Variants in PCDH11X observed in about 807,000 individuals in gnomAD.
The protein encoded by PCDH11X is protocadherin-11 X-linked.
Under a neutral mutation model 53.3 loss-of-function variants are expected in PCDH11X, and 18 were observed. The observed-to-expected ratio is 0.34, with a 90% CI of 0.23 to 0.50. PCDH11X has a LOEUF of 0.50. Among genes scored for constraint, PCDH11X ranks in the 20% least tolerant of loss-of-function variants. The pLI is 0.98. For missense variants in PCDH11X, 570 were observed against 1,032.4 expected, an observed-to-expected ratio of 0.55 and a Z score of 6.14; for synonymous variants, 279 against 393.3, an observed-to-expected ratio of 0.71 and a Z score of 3.44.
At chrX:92,111,857 C>T (rs6618862) in intron 6 of PCDH11X, among the ~76,000 whole-genome samples, 6,294 of 109,462 alleles carry the variant, frequency 0.057, 476 homozygotes, top group African/African-American at 0.2. Flanking sequence ...CCCAGGTTCA[C>T]GCCATTCTCC....
chrX:92,118,612 C>T (rs996822511), intron 6 of PCDH11X, among the ~76,000 whole-genome samples: 4 of 109,898 alleles, frequency 3.6e-5, no homozygotes, highest in East Asian at 2.9e-4. Flanking sequence ...AGTATAAACA[C>T]GTATCTTTTA....
chrX:92,218,466 C>T (rs1182865289), intron 7 of PCDH11X, among the ~76,000 whole-genome samples: 3 of 110,853 alleles, frequency 2.7e-5, no homozygotes, highest in Non-Finnish European at 3.8e-5. Context: ...ATAAATTCCT[C>T]CATACATACA....
intron 8 of PCDH11X, among the ~76,000 whole-genome samples, chrX:92,283,822 T>G (rs2068300583): frequency 8.9e-6 from 1 of 111,881 alleles, no homozygotes; most frequent in Non-Finnish European, 1.9e-5. Context: ...AGATTAAATT[T>G]TTTCTTACAT....
At chrX:92,615,415 C>T (rs906517523) in intron 10 of PCDH11X, among the ~76,000 whole-genome samples, 6 of 111,612 alleles carry the variant, frequency 5.4e-5, no homozygotes, top group Non-Finnish European at 9.4e-5. Context: ...TAATGGCATA[C>T]GCAAGTCAGT....
intron 1 of PCDH11X, among the ~76,000 whole-genome samples, chrX:91,791,139 C>T (rs1285829345): frequency 9.2e-6 from 1 of 109,004 alleles, no homozygotes; most frequent in Non-Finnish European, 1.9e-5. Flanking sequence ...GCCAAAATTG[C>T]CTTGGATTTC....
At chrX:92,202,018 G>T (rs1041844581) in intron 7 of PCDH11X, among the ~76,000 whole-genome samples, 1 of 111,354 alleles carries the variant, frequency 9.0e-6, no homozygotes, top group Admixed American at 9.6e-5. Flanking sequence ...AAAAGTTTCA[G>T]AGCAGGAATA....
intron 8 of PCDH11X, among the ~76,000 whole-genome samples, chrX:92,270,970 A>G (rs1569449399): frequency 9.1e-6 from 1 of 110,214 alleles, no homozygotes; most frequent in Non-Finnish European, 1.9e-5. Context: ...AGTAGATCTC[A>G]AAGAGTTGTC....
At chrX:92,406,020 A>G (rs1430102345) in intron 9 of PCDH11X, among the ~76,000 whole-genome samples, 27 of 98,591 alleles carry the variant, frequency 2.7e-4, no homozygotes, top group South Asian at 5.1e-4. Flanking sequence ...GCGTGAACCC[A>G]GGAGGCGGAG....
At chrX:92,326,844 T>G in intron 8 of PCDH11X, among the ~76,000 whole-genome samples, 1 of 104,992 alleles carries the variant, frequency 9.5e-6, no homozygotes, top group Admixed American at 1.1e-4. Context: ...AGTTAGAATC[T>G]CTTTAAAAAA....
intron 7 of PCDH11X, among the ~76,000 whole-genome samples, chrX:92,211,844 G>C (rs901075357): frequency 1.8e-5 from 2 of 110,815 alleles, no homozygotes; most frequent in Non-Finnish European, 1.9e-5. Flanking sequence ...GGAAGATTTA[G>C]ATGCTCAGGT....
chrX:92,006,708 T>C (rs1173290995), intron 6 of PCDH11X, among the ~76,000 whole-genome samples: 1 of 110,417 alleles, frequency 9.1e-6, no homozygotes, highest in Admixed American at 9.7e-5. Context: ...GAGCTAGATA[T>C]GTATTGTAGT....
At chrX:92,127,037 G>C (rs2148188707) in intron 6 of PCDH11X, among the ~76,000 whole-genome samples, 1 of 108,613 alleles carries the variant, frequency 9.2e-6, no homozygotes, top group African/African-American at 3.3e-5. Flanking sequence ...ATGTTCATAA[G>C]TGTTTGAAAA....
At chrX:92,542,342 T>C (rs185121603) in intron 10 of PCDH11X, among the ~76,000 whole-genome samples, 36 of 111,669 alleles carry the variant, frequency 3.2e-4, no homozygotes, top group Admixed American at 2.9e-3. Flanking sequence ...GATGAAGAGT[T>C]GCCTGCAGCT....
chrX:92,587,202 A>G (rs1447776011), intron 10 of PCDH11X, among the ~76,000 whole-genome samples: 1 of 111,031 alleles, frequency 9.0e-6, no homozygotes, highest in African/African-American at 3.3e-5. Flanking sequence ...TTATCATATG[A>G]AATTTGCTAT....
chrX:92,249,328 C>G (rs1348646124), intron 7 of PCDH11X, among the ~76,000 whole-genome samples: 1 of 111,844 alleles, frequency 8.9e-6, no homozygotes, highest in Non-Finnish European at 1.9e-5. Flanking sequence ...TATACATTCT[C>G]AGTCAGATTT....
chrX:92,101,987 C>G (rs2064264311), intron 6 of PCDH11X, among the ~76,000 whole-genome samples: 1 of 111,689 alleles, frequency 9.0e-6, no homozygotes, highest in African/African-American at 3.3e-5. Context: ...CCTGGTGGAA[C>G]TGCCATCAAT....
Position 92,278,369 on chromosome X carries a change from G to A in PCDH11X, c.3144+15226G>A, listed in dbSNP as rs762449519. On this transcript the variant is annotated intron_variant, in intron 8 of 10. Transcript: ENST00000682573. ...TGAGTCACAGCACCAAATTTCATGC[G>A]TGTCCGTGTGAAGAGACCACCAAAC... Among the ~76,000 whole-genome samples, 9 of 112,021 alleles carry A rather than the reference G, an allele frequency of 8.0e-5. No individual in the cohort carries two copies. In the South Asian group the frequency reaches 1.1e-3, roughly 14 times the overall value.
chrX:92,505,893 T>C (rs777707896), intron 10 of PCDH11X, among the ~76,000 whole-genome samples: 1 of 111,472 alleles, frequency 9.0e-6, no homozygotes, highest in South Asian at 3.7e-4. Flanking sequence ...TGGTTACCTG[T>C]ATTCCTAGAT....
chrX:92,151,104 C>T (rs1228998609), intron 6 of PCDH11X, among the ~76,000 whole-genome samples: 1 of 109,950 alleles, frequency 9.1e-6, no homozygotes, highest in Non-Finnish European at 1.9e-5. Context: ...GAATTTAGCT[C>T]TAAATTTTTT....
Sources: gnomAD v4.1 joint callset for allele counts (sites outside exome capture counted in the v4.1 genomes callset) on GRCh38, gnomAD v4.1.1 for gene constraint, MANE v1.5 for transcripts, NCBI Gene and HGNC (gene_info 2026-07-23, HGNC 2026-07-21) for gene names.